The following FHIT variants were observed in gnomAD, a reference collection of about 807,000 sequenced individuals.
FHIT encodes the protein bis(5'-adenosyl)-triphosphatase.
FHIT carries 19 observed loss-of-function variants against 17.9 expected under a neutral mutation model. The observed-to-expected ratio is 1.06, with a 90% CI of 0.74 to 1.56. FHIT has a LOEUF of 1.56. Ranked by LOEUF, FHIT falls within the 40% of genes most tolerant of loss-of-function variation. The probability of loss-of-function intolerance (pLI) is 0.00; values close to 1 mark genes in which losing one functional copy is unlikely to be tolerated. For synonymous variants in FHIT, 81 were observed against 69.7 expected, an observed-to-expected ratio of 1.16 and a Z score of -0.81; for missense variants, 248 against 189.2, an observed-to-expected ratio of 1.31 and a Z score of -1.82.
At chr3:59,786,313 C>G (rs1054351338) in intron 8 of FHIT, among the ~76,000 whole-genome samples, 1 of 152,104 alleles carries the variant, frequency 6.6e-6, no homozygotes, top group Non-Finnish European at 1.5e-5. Context: ...CTGGCTAATG[C>G]AAAAAACACA....
At chr3:60,312,773 TACGTATATACAC>T (rs1559810577) in intron 5 of FHIT, among the ~76,000 whole-genome samples, 2 of 152,168 alleles carry the variant, frequency 1.3e-5, no homozygotes, top group African/African-American at 4.8e-5. Flanking sequence ...TGTATATACA[TACGTATATACAC>T]ACACACAATT....
intron 5 of FHIT, among the ~76,000 whole-genome samples, chr3:60,066,888 C>T (rs919926859): frequency 2.6e-5 from 4 of 151,932 alleles, no homozygotes; most frequent in African/African-American, 7.2e-5. Context: ...TTGTGATCCG[C>T]CCACCTCGGC....
At chr3:61,206,115 A>T (rs2039221284) in intron 1 of FHIT, among the ~76,000 whole-genome samples, 2 of 130,438 alleles carry the variant, frequency 1.5e-5, no homozygotes, top group Non-Finnish European at 3.3e-5. Flanking sequence ...TTTGTCAAAG[A>T]TCAGATAGTT....
intron 5 of FHIT, among the ~76,000 whole-genome samples, chr3:60,150,955 A>G (rs1309894970): frequency 3.3e-5 from 5 of 152,112 alleles, no homozygotes; most frequent in African/African-American, 4.8e-5. Flanking sequence ...AAAAATCAGC[A>G]TGAACTGAAA....
chr3:60,459,885 G>A (rs2032348544), intron 5 of FHIT, among the ~76,000 whole-genome samples: 1 of 152,132 alleles, frequency 6.6e-6, no homozygotes, highest in South Asian at 2.1e-4. Flanking sequence ...GGTTGGGGAG[G>A]TGAGCAGGGC....
chr3:60,280,461 G>T (rs1415347669), intron 5 of FHIT, among the ~76,000 whole-genome samples: 1 of 152,052 alleles, frequency 6.6e-6, no homozygotes, highest in Non-Finnish European at 1.5e-5. Context: ...TATCTGAGTG[G>T]GCCTTAATGC....
intron 5 of FHIT, among the ~76,000 whole-genome samples, chr3:60,098,784 T>A (rs1704071958): frequency 6.6e-6 from 1 of 152,218 alleles, no homozygotes; most frequent in East Asian, 1.9e-4. Flanking sequence ...ACATACAACA[T>A]ACAAAATGTG....
intron 1 of FHIT, among the ~76,000 whole-genome samples, chr3:61,245,897 T>C (rs1308861867): frequency 1.3e-5 from 2 of 152,168 alleles, no homozygotes; most frequent in African/African-American, 2.4e-5. Flanking sequence ...TGAGATCTAC[T>C]AGGCTGCATT....
intron 4 of FHIT, among the ~76,000 whole-genome samples, chr3:60,706,856 A>G (rs1432684297): frequency 6.6e-6 from 1 of 152,242 alleles, no homozygotes; most frequent in African/African-American, 2.4e-5. Context: ...AAAGAAAATA[A>G]GCACATGAAT....
chr3:59,993,734 T>A (rs1372285433), intron 7 of FHIT, among the ~76,000 whole-genome samples: 1 of 151,878 alleles, frequency 6.6e-6, no homozygotes, highest in Non-Finnish European at 1.5e-5. Context: ...ATTTTCTTGA[T>A]GTTGGAGGTG....
chr3:60,195,864 G>A (rs1702617166), intron 5 of FHIT, among the ~76,000 whole-genome samples: 1 of 142,628 alleles, frequency 7.0e-6, no homozygotes, highest in East Asian at 2.3e-4. Flanking sequence ...AATGGACACT[G>A]GAGACTCAGA....
intron 5 of FHIT, among the ~76,000 whole-genome samples, chr3:60,319,321 G>C (rs1480155398): frequency 6.6e-6 from 1 of 151,906 alleles, no homozygotes; most frequent in East Asian, 1.9e-4. Flanking sequence ...ACAGCTTCCC[G>C]ACTAGTATGG....
intron 6 of FHIT, among the ~76,000 whole-genome samples, chr3:60,013,744 T>C (rs1459570491): frequency 1.3e-5 from 2 of 152,188 alleles, no homozygotes; most frequent in African/African-American, 4.8e-5. Flanking sequence ...ATTTGGAATG[T>C]CTGAATGTCC....
intron 1 of FHIT, among the ~76,000 whole-genome samples, chr3:61,234,575 GA>G (rs1560100575): frequency 6.6e-6 from 1 of 151,988 alleles, no homozygotes; most frequent in Non-Finnish European, 1.5e-5. Context: ...AAAAACAATG[GA>G]AAAAAAGCCA....
chr3:60,515,196 G>A (rs9824412), intron 5 of FHIT, among the ~76,000 whole-genome samples: 23,225 of 152,138 alleles, frequency 0.15, 2,143 homozygotes, highest in Middle Eastern at 0.24. Context: ...TAGTGTGAGC[G>A]GAAGCTGGGA....
At chr3:61,233,579 T>A (rs922671845) in intron 1 of FHIT, among the ~76,000 whole-genome samples, 2 of 152,226 alleles carry the variant, frequency 1.3e-5, no homozygotes, top group African/African-American at 2.4e-5. Flanking sequence ...TTTTTGTGCA[T>A]CTGTGCATTT....
intron 3 of FHIT, among the ~76,000 whole-genome samples, chr3:60,891,013 T>C (rs1705489814): frequency 6.6e-6 from 1 of 152,214 alleles, no homozygotes; most frequent in African/African-American, 2.4e-5. Context: ...CTTTTTAATT[T>C]CTGCTTAGTG....
chr3:60,480,532 T>C (rs1289502384), intron 5 of FHIT, among the ~76,000 whole-genome samples: 3 of 152,144 alleles, frequency 2.0e-5, no homozygotes, highest in Non-Finnish European at 2.9e-5. Flanking sequence ...AAAAACAAGT[T>C]AGTTACTTAC....
chr3:60,192,598 T>G (rs1483486426), intron 5 of FHIT, among the ~76,000 whole-genome samples: 1 of 152,196 alleles, frequency 6.6e-6, no homozygotes. Context: ...CATTCAGAAG[T>G]AAATGGGATT....
Sources: gnomAD v4.1 joint callset for allele counts (sites outside exome capture counted in the v4.1 genomes callset) on GRCh38, gnomAD v4.1.1 for gene constraint, MANE v1.5 for transcripts, NCBI Gene and HGNC (gene_info 2026-07-23, HGNC 2026-07-21) for gene names.